MAPK10: variants seen among roughly 807,000 people sequenced by gnomAD.
MAPK10 encodes JNK3 alpha protein kinase.
In MAPK10, 25 loss-of-function variants were observed where a neutral mutation model predicts 59.3. The observed-to-expected ratio is 0.42, with a 90% CI of 0.31 to 0.59. The LOEUF (loss-of-function observed/expected upper bound fraction) is 0.59. MAPK10 is among the 20% of genes least tolerant of loss of function. The probability of loss-of-function intolerance (pLI) is 0.15; values close to 1 mark genes in which losing one functional copy is unlikely to be tolerated. For synonymous variants in MAPK10, 190 were observed against 200.5 expected (o/e 0.95, Z 0.44); for missense variants, 351 against 568.9 (o/e 0.62, Z 3.90).
chr4:86,303,087 A>G (rs1352489155), intron 2 of MAPK10, among the ~76,000 whole-genome samples: 1 of 152,190 alleles, frequency 6.6e-6, no homozygotes, highest in Non-Finnish European at 1.5e-5. Context: ...GTATGACAGA[A>G]GAAAAATGTC....
Position 86,370,868 on chromosome 4 carries a change from C to T in MAPK10, c.-121-16224G>A, listed in dbSNP as rs556941138. The T allele has an allele frequency of 7.2e-5, 11 of 152,182 alleles. No homozygotes were observed. In the South Asian group the frequency reaches 2.3e-3, roughly 32 times the overall value. The allele number at this position is 152,182 out of a possible 1,614,324, so 9.4% of individuals were successfully genotyped here. ...TCTAGATCACATGATAATTATGGTT[C>T]TGTAACAAAATGGAAAAGAGAGTCT... On this transcript the variant is annotated intron_variant, in intron 1 of 13. Transcript: ENST00000361569.
At chr4:86,216,290 TATAGC>T (rs1270731739) in intron 2 of MAPK10, among the ~76,000 whole-genome samples, 1 of 118,562 alleles carries the variant, frequency 8.4e-6, no homozygotes, top group Non-Finnish European at 1.7e-5. Flanking sequence ...CACATATATA[TATAGC>T]ATATATATAT....
intron 1 of MAPK10, among the ~76,000 whole-genome samples, chr4:86,541,590 C>G (rs1455776533): frequency 1.3e-5 from 2 of 152,104 alleles, no homozygotes; most frequent in African/African-American, 2.4e-5. Context: ...TTGCACTGAA[C>G]TAGTGACAAA....
chr4:86,355,286 C>A (rs1347130606), intron 1 of MAPK10, among the ~76,000 whole-genome samples: 1 of 151,882 alleles, frequency 6.6e-6, no homozygotes, highest in Admixed American at 6.6e-5. Flanking sequence ...GTCATCATAC[C>A]CAAAATAGGC....
At chr4:86,342,018 T>G (rs1725276563) in intron 2 of MAPK10, among the ~76,000 whole-genome samples, 1 of 152,136 alleles carries the variant, frequency 6.6e-6, no homozygotes, top group Non-Finnish European at 1.5e-5. Context: ...CCAGGCAGTT[T>G]AACTCTGGAG....
At chr4:86,157,553 G>A (rs2068197279) in intron 4 of MAPK10, among the ~76,000 whole-genome samples, 2 of 151,906 alleles carry the variant, frequency 1.3e-5, no homozygotes, top group Admixed American at 6.6e-5. Context: ...TACTCTGACA[G>A]TTGTGCACAT....
Position 86,528,874 on chromosome 4 carries a change from G to A in MAPK10, c.-263+65036C>T, listed in dbSNP as rs534458358. Reference sequence around the variant, plus strand: ...TTAGTCCTATTCATTTAAACACTTCGATTTTATATTCAATCATAACTCTAC... The same window carrying A: ...TTAGTCCTATTCATTTAAACACTTCAATTTTATATTCAATCATAACTCTAC... On this transcript the variant is annotated intron_variant, in intron 1 of 4. Transcript: ENST00000502302. 4.6e-5 allele frequency among the ~76,000 whole-genome samples: 7 copies of A among 152,218 alleles called. No individual in the cohort carries two copies. In the East Asian group the frequency reaches 7.7e-4, roughly 17 times the overall value.
intron 2 of MAPK10, among the ~76,000 whole-genome samples, chr4:86,351,747 C>T (rs2148963377): frequency 6.6e-6 from 1 of 151,982 alleles, no homozygotes; most frequent in Non-Finnish European, 1.5e-5. Context: ...CTGATTTAAC[C>T]TCTCTAAACC....
At chr4:86,343,411 C>T (rs1258891521) in intron 2 of MAPK10, among the ~76,000 whole-genome samples, 2 of 152,180 alleles carry the variant, frequency 1.3e-5, no homozygotes, top group Non-Finnish European at 2.9e-5. Context: ...AACATCCCTG[C>T]TTTTGTGAGG....
In MAPK10 at chr4:86,396,064, G is replaced by A. The variant is rs1225075775; in HGVS notation, c.-121-41420C>T. Among the ~76,000 whole-genome samples, 18 of 152,284 alleles carry A rather than the reference G, an allele frequency of 1.2e-4. No individual in the cohort carries two copies. The East Asian group carries it at 2.1e-3, about 18-fold the overall frequency. On this transcript the variant is annotated intron_variant, in intron 1 of 13. Coordinates refer to the MAPK10 transcript ENST00000361569. ...GTGAACCTAAGAAAGTAGTGTTTCC[G>A]GCCGGGCGAGGTGGCTCACGCCTGT... is the stretch of plus-strand genomic sequence containing the variant.
intron 4 of MAPK10, among the ~76,000 whole-genome samples, chr4:86,149,955 CAAG>C (rs2065988001): frequency 6.6e-6 from 1 of 151,898 alleles, no homozygotes; most frequent in Non-Finnish European, 1.5e-5. Context: ...AGATAGAATT[CAAG>C]AAGAATTGGA....
intron 1 of MAPK10, among the ~76,000 whole-genome samples, chr4:86,546,286 G>A (rs1160098345): frequency 2.6e-5 from 4 of 152,050 alleles, no homozygotes; most frequent in Non-Finnish European, 4.4e-5. Context: ...GGTGGCTCAC[G>A]CCTGTAATCC....
chr4:86,440,186 A>T (rs562537723), intron 1 of MAPK10, among the ~76,000 whole-genome samples: 8 of 152,342 alleles, frequency 5.3e-5, no homozygotes, highest in Admixed American at 5.2e-4. Context: ...CTGACAAAAC[A>T]TATCAAAATT....
chr4:86,508,504 T>A (rs909459046), intron 1 of MAPK10, among the ~76,000 whole-genome samples: 3 of 152,172 alleles, frequency 2.0e-5, no homozygotes, highest in African/African-American at 7.2e-5. Context: ...GAGTTTACAT[T>A]CTGTCTGTGA....
At chr4:86,483,793 C>G (rs1753776727) in intron 1 of MAPK10, among the ~76,000 whole-genome samples, 1 of 152,040 alleles carries the variant, frequency 6.6e-6, no homozygotes, top group South Asian at 2.1e-4. Flanking sequence ...AGTAAACAAT[C>G]ATGAAATGAG....
chr4:86,306,609 G>A lies in MAPK10; in HGVS notation c.-7+47921C>T, dbSNP rs141392133. 1.8e-3 allele frequency among the ~76,000 whole-genome samples: 281 copies of A among 152,194 alleles called. 1 individual carries two copies. The highest frequency in any genetic ancestry group is 6.4e-3 in the African/African-American group (265 of 41,544). ...TAAAACAGTAATTACAGTGTAGTGT[G>A]CCCAGAAATATTATAGAAAACAAAA... On this transcript the variant is annotated intron_variant, in intron 2 of 13. Coordinates refer to ENST00000641462, the MANE Select transcript of MAPK10 (RefSeq NM_138982.4).
chr4:86,170,101 A>C (rs1339049586), intron 3 of MAPK10, among the ~76,000 whole-genome samples: 2 of 152,106 alleles, frequency 1.3e-5, no homozygotes. Context: ...AGCCGCTGCA[A>C]AATCATGCCA....
At chr4:86,564,663 C>T (rs549392755) in intron 1 of MAPK10, among the ~76,000 whole-genome samples, 1 of 152,238 alleles carries the variant, frequency 6.6e-6, no homozygotes, top group Non-Finnish European at 1.5e-5. Context: ...GCACATATAG[C>T]GCCATGAGGA....
chr4:86,182,309 T>A (rs189130541), intron 3 of MAPK10, among the ~76,000 whole-genome samples: 30 of 152,288 alleles, frequency 2.0e-4, no homozygotes, highest in African/African-American at 6.7e-4. Flanking sequence ...AATGTACCTA[T>A]TTTCTGTTAA....
Sources: gnomAD v4.1 joint callset for allele counts (sites outside exome capture counted in the v4.1 genomes callset) on GRCh38, gnomAD v4.1.1 for gene constraint, MANE v1.5 for transcripts, NCBI Gene and HGNC (gene_info 2026-07-23, HGNC 2026-07-21) for gene names.